Variants in CCDC110 observed in about 807,000 individuals in gnomAD.
CCDC110 encodes the protein coiled-coil domain containing 110.
In CCDC110, 70 loss-of-function variants were observed where a neutral mutation model predicts 77.1. That is an observed-to-expected ratio of 0.91 (90% CI 0.75 to 1.11). The LOEUF (loss-of-function observed/expected upper bound fraction) is 1.11, where lower values mean the gene tolerates loss of function less well. CCDC110 is among the 50% of genes least tolerant of loss of function. The pLI, the probability that CCDC110 is intolerant of heterozygous loss-of-function variation, is 0.00. For synonymous variants in CCDC110, 295 were observed against 312.5 expected (o/e 0.94, Z 0.59); for missense variants, 868 against 942.9 (o/e 0.92, Z 1.04).
chr4:185,467,852 T>G (rs2095659060), intron 2 of CCDC110, among the ~76,000 whole-genome samples: 1 of 152,214 alleles, frequency 6.6e-6, no homozygotes, highest in East Asian at 1.9e-4. Flanking sequence ...CATTGCAACC[T>G]CTGCCTCCCG....
intron 2 of CCDC110, among the ~76,000 whole-genome samples, chr4:185,464,695 C>T (rs994129923): frequency 2.6e-5 from 4 of 152,088 alleles, no homozygotes; most frequent in East Asian, 1.9e-4. Flanking sequence ...TGCCATCTTT[C>T]GGTCAGCTCT....
chr4:185,457,484 C>T (rs1202696961), intron 6 of CCDC110, among the ~76,000 whole-genome samples: 3 of 152,178 alleles, frequency 2.0e-5, no homozygotes, highest in East Asian at 1.9e-4. Flanking sequence ...TTCCCTGGCT[C>T]CTGCTATTGT....
chr4:185,457,161 C>A, intron 6 of CCDC110: 1 of 438,942 alleles, frequency 2.3e-6, no homozygotes, highest in South Asian at 1.6e-5. Context: ...ACCAGGATCA[C>A]CTCCAATAAA....
chr4:185,456,491 A>T (rs1009894212), intron 6 of CCDC110, among the ~76,000 whole-genome samples: 1 of 152,184 alleles, frequency 6.6e-6, no homozygotes, highest in Non-Finnish European at 1.5e-5. Context: ...AAGAAAAATA[A>T]AATTGGTAAA....
chr4:185,456,473 T>G (rs1019487457), intron 6 of CCDC110, among the ~76,000 whole-genome samples: 10 of 152,112 alleles, frequency 6.6e-5, no homozygotes, highest in African/African-American at 1.9e-4. Flanking sequence ...ATAAGCTGAT[T>G]TTTTGAAAAG....
chr4:185,471,524 C>A, intron 1 of CCDC110, 150 bp downstream of exon 1: 1 of 889,402 alleles, frequency 1.1e-6, no homozygotes, highest in African/African-American at 1.7e-5. Context: ...GGTGCTCAGC[C>A]CTAGGGCCGA....
chr4:185,466,039 T>A (rs2095655063), intron 2 of CCDC110, among the ~76,000 whole-genome samples: 1 of 152,140 alleles, frequency 6.6e-6, no homozygotes, highest in Admixed American at 6.5e-5. Flanking sequence ...GTCAGGTGGG[T>A]CTACCAGTGT....
chr4:185,466,120 A>G (rs999333349), intron 2 of CCDC110, among the ~76,000 whole-genome samples: 7 of 152,150 alleles, frequency 4.6e-5, no homozygotes, highest in African/African-American at 1.2e-4. Context: ...TCGCACCTGT[A>G]ATCCCAGCAC....
At chr4:185,450,205 A>G (rs1175162423) in intron 6 of CCDC110, among the ~76,000 whole-genome samples, 1 of 152,214 alleles carries the variant, frequency 6.6e-6, no homozygotes, top group Non-Finnish European at 1.5e-5. Context: ...ACTTATGTAA[A>G]GCATCAGGTT....
At chr4:185,455,670 G>T (rs1009890131) in intron 6 of CCDC110, among the ~76,000 whole-genome samples, 3 of 152,134 alleles carry the variant, frequency 2.0e-5, no homozygotes, top group African/African-American at 7.2e-5. Flanking sequence ...GATCACCTGA[G>T]GTCAGGAGTT....
chr4:185,450,404 G>A (rs901713716), intron 6 of CCDC110, among the ~76,000 whole-genome samples: 10 of 152,144 alleles, frequency 6.6e-5, no homozygotes, highest in East Asian at 1.9e-4. Flanking sequence ...GGCCTTACCC[G>A]CTAGTCCCCA....
At chr4:185,452,454 T>G in intron 6 of CCDC110, 3 of 805,786 alleles carry the variant, frequency 3.7e-6, no homozygotes, top group Non-Finnish European at 4.5e-6. Flanking sequence ...TAAGAAGCTC[T>G]GATAAGAACT....
chr4:185,452,075 C>A, intron 6 of CCDC110: 1 of 365,932 alleles, frequency 2.7e-6, no homozygotes, highest in Non-Finnish European at 3.8e-6. Flanking sequence ...CACATTCGAT[C>A]TGACAGGTGC....
chr4:185,459,984 A>T lies in CCDC110; in HGVS notation c.603T>A (p.Tyr201Ter). 6.2e-7 allele frequency: 1 copy of T among 1,613,628 alleles called. No homozygotes were observed. Among genetic ancestry groups the T allele is most frequent in the Non-Finnish European group, 8.5e-7 (1 of 1,179,726 alleles). ...SDILKNYNNF[Y>*]RFLPTAPPNV... ...TTGGAGGTGCAGTAGGTAGAAAACGATAAAAGTTATTATAATTCTTCAAGA... is the reference window on the plus strand; with the variant it reads ...TTGGAGGTGCAGTAGGTAGAAAACGTTAAAAGTTATTATAATTCTTCAAGA... The change falls in exon 6 of 7, where the codon TAT becomes TAA. Residue 201 changes from tyrosine to a stop codon, truncating the protein, a stop_gained. Coordinates refer to ENST00000307588, the MANE Select transcript of CCDC110 (RefSeq NM_152775.4). LOFTEE classifies it high-confidence loss of function.
At position 185,459,178 on chromosome 4, in the gene CCDC110, A is replaced by G. The variant is rs771088819; in HGVS notation, c.1409T>C (p.Ile470Thr). The G allele has an allele frequency of 1.2e-6, 2 of 1,602,008 alleles. No homozygotes were observed. The highest frequency in any genetic ancestry group is 1.1e-5 in the South Asian group (1 of 88,134). Residue 470 changes from isoleucine (I) to threonine (T), a missense_variant, in exon 6 of 7, where the codon ATA (isoleucine) becomes ACA (threonine). Physicochemically the swap from Ile to Thr is moderately conservative, Grantham distance 89 (BLOSUM62 -1). Coordinates refer to ENST00000307588, the MANE Select transcript of CCDC110 (RefSeq NM_152775.4). ...CTTTTCATATGTTTCAACTTTCTGT[A>G]TGAGAGATTGTGTGGTAAAGATAAG... The part of the protein sequence containing the change: ...KPLIFTTQSL[I>T]QKVETYEKQL...
At chr4:185,461,255 T>C in intron 4 of CCDC110, 96 bp from the exon 5 acceptor site, 1 of 597,420 alleles carries the variant, frequency 1.7e-6, no homozygotes, top group Non-Finnish European at 2.9e-6. Context: ...TGTGTTTAAA[T>C]TTCCTGCCCA....
At chr4:185,470,258 C>A (rs1433811937) in intron 2 of CCDC110, among the ~76,000 whole-genome samples, 1 of 152,176 alleles carries the variant, frequency 6.6e-6, no homozygotes, top group Non-Finnish European at 1.5e-5. Context: ...AGAGCCTCTG[C>A]GGATAGCAAA....
intron 2 of CCDC110, among the ~76,000 whole-genome samples, chr4:185,463,845 C>A (rs2095650781): frequency 1.3e-5 from 2 of 152,194 alleles, no homozygotes; most frequent in African/African-American, 4.8e-5. Flanking sequence ...CTTGCTCCGT[C>A]TCTTCATTCT....
At chr4:185,447,587 G>A (rs551555514) in intron 6 of CCDC110, among the ~76,000 whole-genome samples, 34 of 152,290 alleles carry the variant, frequency 2.2e-4, no homozygotes, top group Admixed American at 1.4e-3. Context: ...TGTCACTAGC[G>A]TTAACTACAG....
Sources: gnomAD v4.1 joint callset for allele counts (sites outside exome capture counted in the v4.1 genomes callset) on GRCh38, gnomAD v4.1.1 for gene constraint, MANE v1.5 for transcripts, NCBI Gene and HGNC (gene_info 2026-07-23, HGNC 2026-07-21) for gene names.